Variants in ZBTB20 observed in about 807,000 individuals in gnomAD.
ZBTB20 encodes the protein zinc finger and BTB domain-containing protein 20.
A neutral mutation model predicts 56.9 loss-of-function variants in ZBTB20; 9 were observed. The observed-to-expected ratio is 0.16, with a 90% confidence interval of 0.10 to 0.28. ZBTB20 has a LOEUF of 0.28. Among genes scored for constraint, ZBTB20 ranks in the 10% least tolerant of loss-of-function variants. The pLI, the probability that ZBTB20 is intolerant of heterozygous loss-of-function variation, is 1.00. For missense variants in ZBTB20, 655 were observed against 1,003.0 expected, an observed-to-expected ratio of 0.65 and a Z score of 4.69; for synonymous variants, 417 against 420.7, an observed-to-expected ratio of 0.99 and a Z score of 0.11.
At position 114,571,033 on chromosome 3, in the gene ZBTB20, CAGTT is replaced by C. The variant is rs774146762; in HGVS notation, c.-294-70646_-294-70643del. Among the ~76,000 whole-genome samples, 140 of 151,916 alleles carry C rather than the reference CAGTT, an allele frequency of 9.2e-4. 2 individuals are homozygous for C. Among genetic ancestry groups the C allele is most frequent in the Admixed American group, 6.1e-3 (93 of 15,256 alleles). ...TGTTTTGTTTTTATGAATTTAGTCA[CAGTT>C]GGTTGTGTGTTGAACTTTGTAAAAA... On this transcript the variant is annotated intron_variant, in intron 6 of 11. Transcript: ENST00000675478.
At chr3:114,395,345 T>C (rs1175428210) in intron 7 of ZBTB20, among the ~76,000 whole-genome samples, 1 of 152,142 alleles carries the variant, frequency 6.6e-6, no homozygotes, top group African/African-American at 2.4e-5. Flanking sequence ...GACTAGCTGA[T>C]GACCTCCGAT....
At chr3:115,052,465 A>G (rs1369216559) in intron 2 of ZBTB20, among the ~76,000 whole-genome samples, 1 of 152,092 alleles carries the variant, frequency 6.6e-6, no homozygotes, top group African/African-American at 2.4e-5. Context: ...TCATGGAAAA[A>G]AAAAAAGTGA....
At chr3:114,349,914 C>A (rs2080508423) in intron 11 of ZBTB20, among the ~76,000 whole-genome samples, 2 of 152,166 alleles carry the variant, frequency 1.3e-5, no homozygotes, top group Non-Finnish European at 2.9e-5. Flanking sequence ...GAATTTACAC[C>A]CAGGCCATCT....
intron 4 of ZBTB20, among the ~76,000 whole-genome samples, chr3:114,889,108 G>C (rs1380681028): frequency 2.6e-5 from 4 of 151,816 alleles, no homozygotes; most frequent in South Asian, 2.1e-4. Context: ...ACACAAATAT[G>C]AATGTGTGAA....
At chr3:114,741,162 G>GA (rs1406803594) in intron 5 of ZBTB20, among the ~76,000 whole-genome samples, 1 of 152,024 alleles carries the variant, frequency 6.6e-6, no homozygotes, top group African/African-American at 2.4e-5. Context: ...AAGCTTAATG[G>GA]AAAAAAATGT....
intron 4 of ZBTB20, among the ~76,000 whole-genome samples, chr3:114,853,000 G>C (rs2075074909): frequency 6.6e-6 from 1 of 152,232 alleles, no homozygotes; most frequent in African/African-American, 2.4e-5. Flanking sequence ...CTTGCACAAA[G>C]TCCTGCCTGA....
chr3:114,983,081 A>G (rs927431566), intron 2 of ZBTB20, among the ~76,000 whole-genome samples: 6 of 152,084 alleles, frequency 3.9e-5, no homozygotes, highest in Admixed American at 3.9e-4. Context: ...TTCCTCCATA[A>G]TCTAGTTCCA....
chr3:114,942,268 T>A (rs1385504917), intron 3 of ZBTB20, among the ~76,000 whole-genome samples: 1 of 146,018 alleles, frequency 6.8e-6, no homozygotes, highest in Admixed American at 6.6e-5. Context: ...TAAATAATGT[T>A]ATTTTTGGTG....
chr3:115,064,443 CTT>C (rs34098178), intron 2 of ZBTB20, among the ~76,000 whole-genome samples: 384 of 78,010 alleles, frequency 4.9e-3, no homozygotes, highest in African/African-American at 0.015. Flanking sequence ...TCTCATAATT[CTT>C]TTTTTTTTTT....
chr3:114,563,981 A>G (rs981322415), intron 6 of ZBTB20, among the ~76,000 whole-genome samples: 1 of 152,186 alleles, frequency 6.6e-6, no homozygotes, highest in Non-Finnish European at 1.5e-5. Flanking sequence ...AAATCATGGT[A>G]TCAGCAGAGT....
intron 7 of ZBTB20, among the ~76,000 whole-genome samples, chr3:114,473,015 A>G (rs2040320857): frequency 6.6e-6 from 1 of 152,208 alleles, no homozygotes; most frequent in East Asian, 1.9e-4. Context: ...AAATGCTTAT[A>G]TATACAACCT....
chr3:114,502,524 T>C (rs1438263630), intron 6 of ZBTB20, among the ~76,000 whole-genome samples: 4 of 152,192 alleles, frequency 2.6e-5, no homozygotes, highest in African/African-American at 7.2e-5. Context: ...AGATCTCCAA[T>C]GCTTTCAAAT....
At chr3:114,580,726 T>C (rs1204337081) in intron 6 of ZBTB20, among the ~76,000 whole-genome samples, 10 of 151,864 alleles carry the variant, frequency 6.6e-5, no homozygotes, top group African/African-American at 2.4e-4. Context: ...ATCTAAGTTA[T>C]ATGAGGAACA....
intron 7 of ZBTB20, among the ~76,000 whole-genome samples, chr3:114,467,436 A>G (rs1357887631): frequency 6.6e-6 from 1 of 152,188 alleles, no homozygotes; most frequent in Non-Finnish European, 1.5e-5. Context: ...GACGCTATAG[A>G]GTGTAAAGGT....
intron 11 of ZBTB20, among the ~76,000 whole-genome samples, chr3:114,343,820 G>A (rs2079979482): frequency 6.6e-6 from 1 of 152,088 alleles, no homozygotes. Context: ...GGCTGAGGCA[G>A]GTGGATCACC....
chr3:114,917,760 T>A (rs1388854006), intron 3 of ZBTB20, among the ~76,000 whole-genome samples: 1 of 148,084 alleles, frequency 6.8e-6, no homozygotes, highest in Non-Finnish European at 1.5e-5. Context: ...TGCCTGGTGC[T>A]GGGCTGGGAG....
chr3:114,355,901 C>T (rs756791285), intron 10 of ZBTB20, among the ~76,000 whole-genome samples: 18 of 152,034 alleles, frequency 1.2e-4, no homozygotes, highest in South Asian at 1.0e-3. Context: ...CAAAACTTTA[C>T]ATAGATTATG....
chr3:114,761,749 G>A lies in ZBTB20; in HGVS notation c.-343+39352C>T, dbSNP rs562477920. On this transcript the variant is annotated intron_variant, in intron 5 of 11. Transcript: ENST00000675478. The stretch of plus-strand genomic sequence containing the variant: ...CTTGGGGGGCTGAGGTAGGAGAATC[G>A]CCTGAACCTGGGAGATGGAGGTTCC... 1.6e-4 allele frequency among the ~76,000 whole-genome samples: 24 copies of A among 151,548 alleles called. No individual in the cohort carries two copies. The South Asian group carries it at 4.2e-3, about 26-fold the overall frequency.
intron 4 of ZBTB20, among the ~76,000 whole-genome samples, chr3:114,817,273 C>G (rs1017244830): frequency 1.3e-5 from 2 of 151,662 alleles, no homozygotes; most frequent in African/African-American, 4.8e-5. Context: ...AATCCCAGCA[C>G]TTTGGGAGGC....
Sources: allele counts gnomAD v4.1 joint callset (sites outside exome capture counted in the v4.1 genomes callset), GRCh38; gene constraint gnomAD v4.1.1; transcripts MANE v1.5; gene names NCBI Gene and HGNC (gene_info 2026-07-23, HGNC 2026-07-21).